Variants in RABGAP1L observed in about 807,000 individuals in gnomAD.
RABGAP1L encodes rab GTPase-activating protein 1-like.
RABGAP1L carries 63 observed loss-of-function variants against 137.7 expected under a neutral mutation model. The observed-to-expected ratio is 0.46, with a 90% CI of 0.37 to 0.56. The LOEUF (loss-of-function observed/expected upper bound fraction) is 0.56. RABGAP1L is among the 20% of genes least tolerant of loss of function. The pLI is 0.00. For missense variants in RABGAP1L, 1,095 were observed against 1,244.0 expected (o/e 0.88, Z 1.80); for synonymous variants, 431 against 433.7 (o/e 0.99, Z 0.08).
intron 13 of RABGAP1L, among the ~76,000 whole-genome samples, chr1:174,619,220 G>T (rs1672205748): frequency 6.6e-6 from 1 of 152,184 alleles, no homozygotes; most frequent in Non-Finnish European, 1.5e-5. Flanking sequence ...CACTCTGCAG[G>T]ATATTATCCA....
At chr1:174,351,051 G>A (rs1297604181) in intron 11 of RABGAP1L, among the ~76,000 whole-genome samples, 7 of 123,958 alleles carry the variant, frequency 5.6e-5, no homozygotes, top group Admixed American at 1.6e-4. Flanking sequence ...CTTCGGCTCC[G>A]CATGAGAGGG....
chr1:174,408,803 T>C (rs1649574778), intron 13 of RABGAP1L, among the ~76,000 whole-genome samples: 1 of 152,196 alleles, frequency 6.6e-6, no homozygotes, highest in African/African-American at 2.4e-5. Flanking sequence ...TTGATTTGCC[T>C]TTCTCAGATT....
chr1:174,307,152 C>T (rs371138520), intron 11 of RABGAP1L, among the ~76,000 whole-genome samples: 1 of 152,170 alleles, frequency 6.6e-6, no homozygotes, highest in Admixed American at 6.6e-5. Flanking sequence ...TCATCACTTG[C>T]TAAGCTCACT....
At chr1:174,541,775 C>CAAA (rs766403369) in intron 13 of RABGAP1L, among the ~76,000 whole-genome samples, 20 of 134,864 alleles carry the variant, frequency 1.5e-4, no homozygotes, top group Non-Finnish European at 2.8e-4. Context: ...GACTCCGTCT[C>CAAA]AAAAAAAAAA....
Position 174,294,089 on chromosome 1 carries a change from T to C in RABGAP1L, c.1324-10897T>C, listed in dbSNP as rs1246137424. ...GTAGTCTCTGAAATGGGGATTATAA[T>C]TATGCCACCCCAAAAGATTGTCATA... On this transcript the variant is annotated intron_variant, in intron 10 of 25. Coordinates refer to ENST00000681986, the MANE Select transcript of RABGAP1L (RefSeq NM_001366446.1). 2.0e-5 allele frequency among the ~76,000 whole-genome samples: 3 copies of C among 152,182 alleles called. No individual in the cohort carries two copies. In the East Asian group the frequency reaches 5.8e-4, roughly 29 times the overall value.
chr1:174,597,880 A>G (rs1670088759), intron 13 of RABGAP1L, among the ~76,000 whole-genome samples: 1 of 152,030 alleles, frequency 6.6e-6, no homozygotes, highest in Admixed American at 6.5e-5. Context: ...GGAATTTTTG[A>G]ATTTCCTTCT....
intron 14 of RABGAP1L, among the ~76,000 whole-genome samples, chr1:174,647,968 T>G (rs1675128485): frequency 6.6e-6 from 1 of 152,188 alleles, no homozygotes. Flanking sequence ...CATCCATTTC[T>G]TCTAGATTTT....
At chr1:174,361,105 C>G (rs537795522) in intron 11 of RABGAP1L, among the ~76,000 whole-genome samples, 1 of 152,018 alleles carries the variant, frequency 6.6e-6, no homozygotes, top group South Asian at 2.1e-4. Flanking sequence ...TGCAGTGAGC[C>G]GAGATGGCAC....
At chr1:174,202,733 A>G (rs978689276) in intron 1 of RABGAP1L, among the ~76,000 whole-genome samples, 5 of 152,168 alleles carry the variant, frequency 3.3e-5, no homozygotes, top group African/African-American at 7.2e-5. Flanking sequence ...GCCCATGCCT[A>G]TGTCCTGAAT....
chr1:174,913,313 A>G (rs923799035), intron 19 of RABGAP1L, among the ~76,000 whole-genome samples: 3 of 152,266 alleles, frequency 2.0e-5, no homozygotes, highest in East Asian at 1.9e-4. Flanking sequence ...TAATAAAACA[A>G]TATAACTATA....
intron 13 of RABGAP1L, among the ~76,000 whole-genome samples, chr1:174,565,687 C>T (rs916161782): frequency 6.6e-6 from 1 of 152,126 alleles, no homozygotes; most frequent in Non-Finnish European, 1.5e-5. Context: ...CAAAGTTGTG[C>T]TGGTTTGTAT....
chr1:174,260,561 T>TA (rs1408000197), intron 7 of RABGAP1L, among the ~76,000 whole-genome samples: 2 of 152,174 alleles, frequency 1.3e-5, no homozygotes, highest in African/African-American at 4.8e-5. Flanking sequence ...GCTGAGATGT[T>TA]AAAGTGTGTG....
intron 13 of RABGAP1L, among the ~76,000 whole-genome samples, chr1:174,567,207 C>G (rs1230644236): frequency 6.6e-6 from 1 of 152,084 alleles, no homozygotes; most frequent in Non-Finnish European, 1.5e-5. Context: ...CCCCTGGTAA[C>G]CTACTCTACT....
At chr1:174,471,037 G>GAAA (rs140550042) in intron 13 of RABGAP1L, among the ~76,000 whole-genome samples, 12 of 150,140 alleles carry the variant, frequency 8.0e-5, no homozygotes, top group East Asian at 2.0e-4. Flanking sequence ...AGGTATTTAG[G>GAAA]AAAAAAAAAC....
chr1:174,174,452 A>G (rs1006806755), intron 1 of RABGAP1L, among the ~76,000 whole-genome samples: 2 of 151,696 alleles, frequency 1.3e-5, no homozygotes, highest in African/African-American at 4.9e-5. Context: ...GTAGATACAG[A>G]TCTGTTGGAA....
chr1:174,637,150 A>G (rs1232372783), intron 13 of RABGAP1L, among the ~76,000 whole-genome samples: 1 of 151,982 alleles, frequency 6.6e-6, no homozygotes, highest in Non-Finnish European at 1.5e-5. Context: ...ATATAAACAT[A>G]CATACACACA....
rs182505215 is a variant in RABGAP1L at position 174,434,462 on chromosome 1, A to G, written c.1710+40317A>G. Among the ~76,000 whole-genome samples the G allele has an allele frequency of 1.8e-3, 271 of 152,234 alleles. 2 individuals carry two copies. Among genetic ancestry groups the G allele is most frequent in the Non-Finnish European group, 1.0e-3 (71 of 68,010 alleles). ...ATTTTTATGCAAGTCTTTTGTGGAC[A>G]ATATGTTTTCCTTTCTATTGGAAGG... On this transcript the variant is annotated intron_variant, in intron 13 of 25. Transcript: ENST00000681986.
intron 13 of RABGAP1L, among the ~76,000 whole-genome samples, chr1:174,621,803 C>T (rs1672502501): frequency 6.6e-6 from 1 of 152,282 alleles, no homozygotes; most frequent in African/African-American, 2.4e-5. Flanking sequence ...GCAAGGACTT[C>T]ATGTCTAAAA....
At chr1:174,529,241 T>C (rs1386126060) in intron 13 of RABGAP1L, among the ~76,000 whole-genome samples, 1 of 152,128 alleles carries the variant, frequency 6.6e-6, no homozygotes, top group Non-Finnish European at 1.5e-5. Context: ...TTAATATCTA[T>C]ACATCTCATA....
Sources: gnomAD v4.1 joint callset for allele counts (sites outside exome capture counted in the v4.1 genomes callset) on GRCh38, gnomAD v4.1.1 for gene constraint, MANE v1.5 for transcripts, NCBI Gene and HGNC (gene_info 2026-07-23, HGNC 2026-07-21) for gene names.